Variants in ANO6 observed in about 807,000 individuals in gnomAD.
The protein encoded by ANO6 is anoctamin 6, also known as anoctamin-6.
Under a neutral mutation model 117.5 loss-of-function variants are expected in ANO6, and 106 were observed. The ratio of observed to expected loss-of-function variants is 0.90; its 90% CI spans 0.77 to 1.06. The LOEUF is 1.06. ANO6 is among the 50% of genes least tolerant of loss of function. The pLI, the probability that ANO6 is intolerant of heterozygous loss-of-function variation, is 0.00. For synonymous variants in ANO6, 367 were observed against 385.1 expected, an observed-to-expected ratio of 0.95 and a Z score of 0.55; for missense variants, 955 against 1,121.1, an observed-to-expected ratio of 0.85 and a Z score of 2.12.
chr12:45,278,917 C>T (rs1938636481), intron 1 of ANO6, among the ~76,000 whole-genome samples: 1 of 152,184 alleles, frequency 6.6e-6, no homozygotes. Flanking sequence ...CCTCCACCCA[C>T]CCCTCCAAGT....
intron 9 of ANO6, among the ~76,000 whole-genome samples, chr12:45,375,001 CAA>C (rs1351729237): frequency 6.6e-6 from 1 of 151,494 alleles, no homozygotes; most frequent in Non-Finnish European, 1.5e-5. Flanking sequence ...GCAACTTCAG[CAA>C]AGTCTCAGGA....
intron 1 of ANO6, among the ~76,000 whole-genome samples, chr12:45,216,944 T>G (rs924421885): frequency 6.6e-6 from 1 of 152,242 alleles, no homozygotes; most frequent in South Asian, 2.1e-4. Context: ...CTTTCCCATC[T>G]GCGGAGCCCA....
chr12:45,367,781 C>A lies in ANO6; in HGVS notation c.1092C>A (p.Cys364Ter), dbSNP rs61745715. The A allele has an allele frequency of 6.2e-7, 1 of 1,612,948 alleles. No individual in the cohort carries two copies. Among genetic ancestry groups the A allele is most frequent in the Non-Finnish European group, 8.5e-7 (1 of 1,179,358 alleles). Residue 364 changes from cysteine (C) to a stop codon, truncating the protein, a stop_gained, in exon 9 of 20, where the codon TGC becomes TGA. Coordinates refer to ENST00000320560, the MANE Select transcript of ANO6 (RefSeq NM_001025356.3). LOFTEE classifies it high-confidence loss of function. ...CATTCTGGAAACTCAATATTACTTG[C>A]GAGTCCTCAAAGGTAATTTTTGCTA... ...LCPFWKLNIT[C>*]ESSKKLCIFD...
chr12:45,244,878 C>T (rs1947801037), intron 1 of ANO6, among the ~76,000 whole-genome samples: 1 of 152,130 alleles, frequency 6.6e-6, no homozygotes, highest in African/African-American at 2.4e-5. Flanking sequence ...AATCTTTGGT[C>T]ATAGCAGGGA....
chr12:45,395,849 A>G (rs963568323), intron 12 of ANO6, among the ~76,000 whole-genome samples: 1 of 152,200 alleles, frequency 6.6e-6, no homozygotes, highest in Admixed American at 6.5e-5. Context: ...TTTCAAAATA[A>G]TAAGAGCTAT....
intron 16 of ANO6, among the ~76,000 whole-genome samples, chr12:45,412,668 G>A (rs1211110794): frequency 6.6e-6 from 1 of 152,146 alleles, no homozygotes; most frequent in Non-Finnish European, 1.5e-5. Flanking sequence ...AGGTAATTGG[G>A]AGGATTTGCA....
intron 17 of ANO6, among the ~76,000 whole-genome samples, chr12:45,419,808 A>G (rs568395838): frequency 4.4e-4 from 67 of 152,264 alleles, no homozygotes; most frequent in African/African-American, 1.6e-3. Flanking sequence ...AGAATTTTAG[A>G]GAAAATTCAT....
intron 1 of ANO6, among the ~76,000 whole-genome samples, chr12:45,222,392 C>T (rs538836085): frequency 5.3e-4 from 80 of 152,082 alleles, no homozygotes; most frequent in Non-Finnish European, 5.9e-5. Context: ...AACTCCTGAT[C>T]TCAGGTGATC....
chr12:45,410,225 G>A (rs959974998), intron 16 of ANO6, among the ~76,000 whole-genome samples: 22 of 152,170 alleles, frequency 1.4e-4, no homozygotes, highest in Non-Finnish European at 8.8e-5. Context: ...ATGCAGCTTC[G>A]TGGCAGGAAT....
intron 1 of ANO6, among the ~76,000 whole-genome samples, chr12:45,283,097 T>G (rs1255368002): frequency 6.6e-6 from 1 of 152,218 alleles, no homozygotes; most frequent in East Asian, 1.9e-4. Flanking sequence ...TTGGTGTCTC[T>G]CATAATGTTA....
At chr12:45,363,166 C>A (rs1423996019) in intron 8 of ANO6, among the ~76,000 whole-genome samples, 1 of 152,064 alleles carries the variant, frequency 6.6e-6, no homozygotes, top group African/African-American at 2.4e-5. Context: ...ATTGGAGCAT[C>A]CCAAATCCAA....
chr12:45,218,482 C>T (rs1371169387), intron 1 of ANO6, among the ~76,000 whole-genome samples: 1 of 148,666 alleles, frequency 6.7e-6, no homozygotes, highest in Non-Finnish European at 1.5e-5. Flanking sequence ...ACAGCCTCGA[C>T]CTACGGGGCT....
chr12:45,356,573 TAAG>T lies in ANO6; in HGVS notation c.864-714_864-712del, dbSNP rs536905358. Among the ~76,000 whole-genome samples the T allele has an allele frequency of 5.9e-5, 9 of 152,318 alleles. No homozygotes were observed. The East Asian group carries it at 1.3e-3, about 23-fold the overall frequency. On this transcript the variant is annotated intron_variant, in intron 7 of 19. Transcript: ENST00000320560. ...GTTAAGCTAAAGAAAAGAATGTTAT[TAAG>T]AAATCATAAGAAAGTATATTTACCA...
intron 2 of ANO6, among the ~76,000 whole-genome samples, chr12:45,312,731 G>A (rs1939886530): frequency 6.6e-6 from 1 of 151,996 alleles, no homozygotes; most frequent in African/African-American, 2.4e-5. Context: ...AGTGTTTACA[G>A]CTCCTTCTCC....
chr12:45,329,671 A>G (rs1940596441), intron 2 of ANO6, among the ~76,000 whole-genome samples: 1 of 151,988 alleles, frequency 6.6e-6, no homozygotes, highest in South Asian at 2.1e-4. Context: ...CTTTTTGTAC[A>G]TTTTTCAGAT....
chr12:45,358,177 C>T (rs532423734), intron 8 of ANO6, among the ~76,000 whole-genome samples: 2 of 152,206 alleles, frequency 1.3e-5, no homozygotes, highest in Non-Finnish European at 2.9e-5. Context: ...ATAAAAATTT[C>T]TGGGCACCAG....
At chr12:45,248,404 A>C (rs1167480161) in intron 1 of ANO6, among the ~76,000 whole-genome samples, 1 of 151,944 alleles carries the variant, frequency 6.6e-6, no homozygotes, top group East Asian at 1.9e-4. Context: ...GGTAGTAAAG[A>C]AAATATATTT....
intron 8 of ANO6, 68 bp from the exon 9 acceptor site, chr12:45,367,620 A>G: frequency 4.0e-6 from 5 of 1,252,422 alleles, no homozygotes; most frequent in Middle Eastern, 4.3e-4. Context: ...TCTTATTGTG[A>G]ATGGATATTA....
intron 9 of ANO6, among the ~76,000 whole-genome samples, chr12:45,370,794 C>A (rs1941804423): frequency 6.6e-6 from 1 of 152,284 alleles, no homozygotes; most frequent in Middle Eastern, 3.4e-3. Context: ...GATTGTTCCC[C>A]AGAGCAGGCA....
Sources: gnomAD v4.1 joint callset for allele counts (sites outside exome capture counted in the v4.1 genomes callset) on GRCh38, gnomAD v4.1.1 for gene constraint, MANE v1.5 for transcripts, NCBI Gene and HGNC (gene_info 2026-07-23, HGNC 2026-07-21) for gene names.